RAB3GAP1: variants seen among roughly 807,000 people sequenced by gnomAD.
The protein encoded by RAB3GAP1 is rab3 GTPase-activating protein catalytic subunit.
Under a neutral mutation model 130.7 loss-of-function variants are expected in RAB3GAP1, and 86 were observed. The observed-to-expected ratio is 0.66, with a 90% CI of 0.55 to 0.79. The LOEUF is 0.79. RAB3GAP1 is among the 30% of genes least tolerant of loss of function. The probability of loss-of-function intolerance (pLI) is 0.00; values close to 1 mark genes in which losing one functional copy is unlikely to be tolerated. For synonymous variants in RAB3GAP1, 367 were observed against 401.7 expected (o/e 0.91, Z 1.03); for missense variants, 1,029 against 1,169.4 (o/e 0.88, Z 1.75).
At chr2:135,127,108 C>G (rs1691371728) in intron 11 of RAB3GAP1, among the ~76,000 whole-genome samples, 1 of 151,586 alleles carries the variant, frequency 6.6e-6, no homozygotes, top group Admixed American at 6.6e-5. Context: ...ATCTCCTGAC[C>G]TCGTGATCCG....
At chr2:135,100,909 T>G (rs1241322114) in intron 5 of RAB3GAP1, among the ~76,000 whole-genome samples, 1 of 152,190 alleles carries the variant, frequency 6.6e-6, no homozygotes, top group Non-Finnish European at 1.5e-5. Flanking sequence ...AGGAAAATGT[T>G]TCCAGACAAG....
intron 17 of RAB3GAP1, among the ~76,000 whole-genome samples, chr2:135,143,733 A>AT (rs950271695): frequency 1.3e-5 from 2 of 151,440 alleles, no homozygotes; most frequent in African/African-American, 2.4e-5. Flanking sequence ...AATTTTTTGT[A>AT]TTTTTAGTAG....
Position 135,170,004 on chromosome 2 carries a change from TA to T in RAB3GAP1, c.*1225del, listed in dbSNP as rs1168377659. The T allele has an allele frequency of 7.6e-6, 2 of 263,482 alleles. No individual in the cohort carries two copies. The highest frequency in any genetic ancestry group is 7.5e-6 in the Non-Finnish European group (1 of 132,828). 16.3% of individuals were successfully genotyped at this position (263,482 alleles called of 1,614,324 possible). A position where few individuals can be genotyped will look rare whatever the true frequency, so the allele number is the denominator to read the frequency against. ...AAAAAAAAAAATACATATCTATATA[TA>T]ATATGTGTGTGTGTGTGACATATGC... On this transcript the variant is annotated 3_prime_UTR_variant, in exon 24 of 24. Coordinates refer to ENST00000264158, the MANE Select transcript of RAB3GAP1 (RefSeq NM_012233.3).
At position 135,091,080 on chromosome 2, in the gene RAB3GAP1, A is replaced by C. The variant is rs1009214570; in HGVS notation, c.233A>C (p.Tyr78Ser). The change falls in exon 4 of 24, where the codon TAT becomes TCT. Residue 78 changes from tyrosine (Y) to serine (S), a missense_variant. Coordinates refer to ENST00000264158, the MANE Select transcript of RAB3GAP1 (RefSeq NM_012233.3). ...TTCAAGTTCTCAGTCACTCATCATT[A>C]TCTTGTACAAGAGTCCACTGATAAA... ...ADFKFSVTHH[Y>S]LVQESTDKEG... 6.2e-7 allele frequency: 1 copy of C among 1,604,096 alleles called. No homozygotes were observed. The highest frequency in any genetic ancestry group is 8.5e-7 in the Non-Finnish European group (1 of 1,171,116).
chr2:135,147,237 T>C (rs1692025907), intron 17 of RAB3GAP1, among the ~76,000 whole-genome samples: 1 of 150,906 alleles, frequency 6.6e-6, no homozygotes, highest in African/African-American at 2.4e-5. Flanking sequence ...CCCCAGCAAC[T>C]GGGGAGGCTG....
intron 3 of RAB3GAP1, among the ~76,000 whole-genome samples, chr2:135,075,791 CTT>C (rs886208357): frequency 4.6e-5 from 7 of 151,368 alleles, no homozygotes; most frequent in African/African-American, 7.3e-5. Flanking sequence ...GGATCAAAAA[CTT>C]TTTTATTTCA....
At chr2:135,098,807 A>G (rs1321469668) in intron 5 of RAB3GAP1, among the ~76,000 whole-genome samples, 1 of 152,178 alleles carries the variant, frequency 6.6e-6, no homozygotes, top group African/African-American at 2.4e-5. Context: ...TAATGATATT[A>G]TTTAAAAAAT....
intron 11 of RAB3GAP1, among the ~76,000 whole-genome samples, chr2:135,127,234 C>T (rs1262990682): frequency 6.7e-6 from 1 of 149,210 alleles, no homozygotes; most frequent in African/African-American, 2.5e-5. Context: ...CCCTTTCCTT[C>T]CTCCTGTGGC....
chr2:135,054,474 A>G (rs1344759795), intron 2 of RAB3GAP1, among the ~76,000 whole-genome samples: 1 of 152,232 alleles, frequency 6.6e-6, no homozygotes, highest in African/African-American at 2.4e-5. Context: ...GGATTGTAAC[A>G]TATTTCAGAG....
intron 3 of RAB3GAP1, among the ~76,000 whole-genome samples, chr2:135,068,916 T>C (rs891596595): frequency 2.0e-5 from 3 of 152,150 alleles, no homozygotes; most frequent in African/African-American, 7.2e-5. Flanking sequence ...ATTTTACCAC[T>C]TGGCTGGGTA....
chr2:135,149,879 G>C (rs1015043971), intron 17 of RAB3GAP1, among the ~76,000 whole-genome samples: 2 of 152,042 alleles, frequency 1.3e-5, no homozygotes, highest in African/African-American at 4.8e-5. Context: ...GGATGGTCTC[G>C]ATCTCCTGAC....
At position 135,150,775 on chromosome 2, in the gene RAB3GAP1, G is replaced by A. The variant is rs192236250; in HGVS notation, c.2061+269G>A. Among the ~76,000 whole-genome samples, 11 of 152,188 alleles carry A rather than the reference G, an allele frequency of 7.2e-5. No individual in the cohort carries two copies. In the East Asian group the frequency reaches 2.1e-3, roughly 30 times the overall value. On this transcript the variant is annotated intron_variant, in intron 18 of 23. Coordinates refer to ENST00000264158, the MANE Select transcript of RAB3GAP1 (RefSeq NM_012233.3). ...ATATGTGAATTGGAGTGGTTTCTTT[G>A]TTTGTGTTCAGCCAATTTAATGGAA...
At chr2:135,078,657 C>T (rs1323920143) in intron 3 of RAB3GAP1, among the ~76,000 whole-genome samples, 1 of 11,256 alleles carries the variant, frequency 8.9e-5, no homozygotes, top group Non-Finnish European at 2.2e-4. Flanking sequence ...CCCCTCCCCT[C>T]CCCTCCCCTC....
intron 3 of RAB3GAP1, among the ~76,000 whole-genome samples, chr2:135,090,394 T>A (rs1331388085): frequency 6.6e-6 from 1 of 152,204 alleles, no homozygotes; most frequent in African/African-American, 2.4e-5. Flanking sequence ...TATGTGGTGC[T>A]ATGCTGTAAT....
At chr2:135,100,994 A>C (rs1418591627) in intron 5 of RAB3GAP1, among the ~76,000 whole-genome samples, 1 of 152,210 alleles carries the variant, frequency 6.6e-6, no homozygotes, top group Non-Finnish European at 1.5e-5. Context: ...AAGTTAGGTA[A>C]AAAGATACTT....
chr2:135,088,832 G>A (rs980808468), intron 3 of RAB3GAP1, among the ~76,000 whole-genome samples: 1 of 151,812 alleles, frequency 6.6e-6, no homozygotes, highest in African/African-American at 2.4e-5. Context: ...TGGATAGATT[G>A]CAAAAATTTT....
At chr2:135,171,488 G>A (rs903544420), downstream of RAB3GAP1, among the ~76,000 whole-genome samples, 2 of 152,178 alleles carry the variant, frequency 1.3e-5, no homozygotes, top group Admixed American at 6.5e-5. Flanking sequence ...CTGTGTGCCT[G>A]AGACCGTGCT....
intron 2 of RAB3GAP1, among the ~76,000 whole-genome samples, chr2:135,056,735 A>T (rs1689023146): frequency 6.6e-6 from 1 of 152,204 alleles, no homozygotes; most frequent in Non-Finnish European, 1.5e-5. Context: ...TTTCAAACCT[A>T]GTAATTGTCA....
intron 3 of RAB3GAP1, among the ~76,000 whole-genome samples, chr2:135,080,161 G>A (rs1689752801): frequency 1.3e-5 from 2 of 150,278 alleles, no homozygotes; most frequent in African/African-American, 4.9e-5. Context: ...TTAACCTCAT[G>A]TAAGTTTAAT....
Sources: allele counts gnomAD v4.1 joint callset (sites outside exome capture counted in the v4.1 genomes callset), GRCh38; gene constraint gnomAD v4.1.1; transcripts MANE v1.5; gene names NCBI Gene and HGNC (gene_info 2026-07-23, HGNC 2026-07-21).